MID2: variants seen among roughly 807,000 people sequenced by gnomAD.
MID2 encodes the protein midline 2, also known as probable E3 ubiquitin-protein ligase MID2.
A neutral mutation model predicts 46.1 loss-of-function variants in MID2; 13 were observed. That is an observed-to-expected ratio of 0.28 (90% CI 0.18 to 0.45). The LOEUF (loss-of-function observed/expected upper bound fraction) is 0.45, where lower values mean the gene tolerates loss of function less well. Among genes scored for constraint, MID2 ranks in the 20% least tolerant of loss-of-function variants. MID2 has a pLI of 1.00. For missense variants in MID2, 431 were observed against 575.4 expected (o/e 0.75, Z 2.57); for synonymous variants, 199 against 212.3 (o/e 0.94, Z 0.55).
Position 107,926,175 on chromosome X carries a change from A to T in MID2, c.1679A>T (p.Glu560Val), listed in dbSNP as rs761148298. ...SNDGLQMEKD[E>V]SSLKKSHTPE... ...GATGGATTGCAGATGGAGAAGGATG[A>T]AAGCTCTCTAAAGAAGAGCCACACC... The change falls in exon 9 of 10, where the codon GAA becomes GTA. Residue 560 changes from glutamate to valine, a missense_variant. Physicochemically the swap from Glu to Val is moderately radical, Grantham distance 121. Transcript: ENST00000262843. The T allele has an allele frequency of 3.3e-6, 4 of 1,208,021 alleles. No individual in the cohort carries two copies. The highest frequency in any genetic ancestry group is 4.5e-6 in the Non-Finnish European group (4 of 892,499).
chrX:107,895,287 C>T (rs1338648767), intron 3 of MID2: 1 of 109,726 alleles, frequency 9.1e-6, no homozygotes, highest in African/African-American at 3.3e-5. Flanking sequence ...GTAATTAGGA[C>T]ATTATTGTTT....
intron 3 of MID2, among the ~76,000 whole-genome samples, chrX:107,900,420 TG>T (rs1932786080): frequency 9.1e-6 from 1 of 110,252 alleles, no homozygotes; most frequent in African/African-American, 3.3e-5. Context: ...AGCAAAAGAG[TG>T]CTTCTTATAT....
chrX:107,926,459 A>G (rs1933180046), intron 9 of MID2, 158 bp downstream of exon 9: 1 of 610,317 alleles, frequency 1.6e-6, no homozygotes, highest in African/African-American at 2.3e-5. Context: ...TAATAAAATA[A>G]TGGAAAATAT....
At position 107,924,368 on chromosome X, in the gene MID2, G is replaced by C; in HGVS notation, c.1461G>C (p.Trp487Cys). 1 of 1,210,315 alleles carries C rather than the reference G, an allele frequency of 8.3e-7. No individual in the cohort carries two copies. Residue 487 changes from tryptophan to cysteine, a missense_variant, in exon 8 of 10, where the codon TGG becomes TGC. Coordinates refer to ENST00000262843, the MANE Select transcript of MID2 (RefSeq NM_012216.4). ...PRGLYNSVDSWMIVPNIKQNH... is the reference protein window; with the variant it reads ...PRGLYNSVDSCMIVPNIKQNH... ...GCCTGTATAATTCAGTAGACAGCTG[G>C]ATGATTGTTCCCAACATTAAACAGA...
intron 3 of MID2, among the ~76,000 whole-genome samples, chrX:107,898,550 G>GT: frequency 9.0e-6 from 1 of 111,225 alleles, no homozygotes; most frequent in Non-Finnish European, 1.9e-5. Flanking sequence ...TATATTACTT[G>GT]TTTTGCTGGT....
chrX:107,902,602 C>T (rs60028449), intron 3 of MID2, among the ~76,000 whole-genome samples: 2,081 of 111,638 alleles, frequency 0.019, 52 homozygotes, highest in African/African-American at 0.063. Context: ...CAGCAACAGA[C>T]ATATTTTATT....
chrX:107,847,374 G>C (rs1931512632), intron 2 of MID2, among the ~76,000 whole-genome samples: 1 of 111,397 alleles, frequency 9.0e-6, no homozygotes, highest in African/African-American at 3.3e-5. Context: ...ACAGTGGAGG[G>C]GTCAGGGAAA....
At chrX:107,827,142 A>T (rs1229763206) in intron 1 of MID2, among the ~76,000 whole-genome samples, 1 of 112,292 alleles carries the variant, frequency 8.9e-6, no homozygotes, top group African/African-American at 3.2e-5. Context: ...TTACAGAAAC[A>T]TTACTGGTGA....
Position 107,926,162 on chromosome X carries a change from A to G in MID2, c.1666A>G (p.Met556Val), listed in dbSNP as rs1381981495. 8.3e-7 allele frequency: 1 copy of G among 1,208,035 alleles called. No individual in the cohort carries two copies. Among genetic ancestry groups the G allele is most frequent in the Non-Finnish European group, 1.1e-6 (1 of 892,928 alleles). Residue 556 changes from methionine (M) to valine (V), a missense_variant, in exon 9 of 10, where the codon ATG (methionine) becomes GTG (valine). Physicochemically the swap from Met to Val is conservative, Grantham distance 21. Transcript: ENST00000262843. ...KLKISNDGLQ[M>V]EKDESSLKKS... ...GAAGATCTCCAATGATGGATTGCAG[A>G]TGGAGAAGGATGAAAGCTCTCTAAA...
At chrX:107,841,442 A>T in intron 2 of MID2, 57 bp downstream of exon 2, 1 of 909,602 alleles carries the variant, frequency 1.1e-6, no homozygotes, top group Non-Finnish European at 1.5e-6. Context: ...GCAGTTAGCA[A>T]GTTCTCTAAT....
chrX:107,886,824 G>T (rs1047892188), intron 3 of MID2, among the ~76,000 whole-genome samples: 4 of 111,647 alleles, frequency 3.6e-5, no homozygotes, highest in African/African-American at 1.3e-4. Context: ...AGTTCTCCTT[G>T]AAGAGGTCCT....
At position 107,837,123 on chromosome X, in the gene MID2, C is replaced by T. The variant is rs190481687; in HGVS notation, c.5-3547C>T. ...TACCCAAAGCAATCCTGACCCATAGCGTGCTTTCCCAAGCTTAATTTCATA... is the reference window on the plus strand; with the variant it reads ...TACCCAAAGCAATCCTGACCCATAGTGTGCTTTCCCAAGCTTAATTTCATA... On this transcript the variant is annotated intron_variant, in intron 1 of 9. Transcript: ENST00000262843. 2.1e-4 allele frequency among the ~76,000 whole-genome samples: 23 copies of T among 111,855 alleles called. No individual in the cohort carries two copies. In the South Asian group the frequency reaches 2.3e-3, roughly 11 times the overall value.
rs1276957001 is a variant in MID2, at chrX:107,845,525, A to ACACTCTCTCTCTCT, written c.720+4141_720+4142insACTCTCTCTCTCTC. The stretch of plus-strand genomic sequence containing the variant: ...CACACACACACACACACACACACAC[A>ACACTCTCTCTCTCT]CTCTCTCTCTCTCTCTCTCTCTCTC... On this transcript the variant is annotated intron_variant, in intron 2 of 9. Transcript: ENST00000262843. 1.3e-3 allele frequency among the ~76,000 whole-genome samples: 96 copies of ACACTCTCTCTCTCT among 72,943 alleles called. 2 individuals are homozygous for ACACTCTCTCTCTCT. The highest frequency in any genetic ancestry group is 6.8e-3 in the African/African-American group (90 of 13,209). 63.3% of individuals were successfully genotyped at this position (72,943 alleles called of 115,157 possible). A position where few individuals can be genotyped will look rare whatever the true frequency, so the allele number is the denominator to read the frequency against.
Position 107,905,496 on chromosome X carries a change from T to C in MID2, c.943T>C (p.Leu315=), listed in dbSNP as rs773493861. ...CTTAAAGGTTATGAAACTGAGAAAGTTGGCACAGCAGGTTGCTAATTGCCG... is the reference window on the plus strand; with the variant it reads ...CTTAAAGGTTATGAAACTGAGAAAGCTGGCACAGCAGGTTGCTAATTGCCG... ...KETKVMKLRK[L]AQQVANCRQC... is the part of the protein sequence containing the mutation. The change falls in exon 5 of 10, where the codon TTG becomes CTG. Residue 315 remains leucine (L), a synonymous_variant. Coordinates refer to ENST00000262843, the MANE Select transcript of MID2 (RefSeq NM_012216.4). 2 of 1,207,021 alleles carry C rather than the reference T, an allele frequency of 1.7e-6. No individual in the cohort carries two copies. The highest frequency in any genetic ancestry group is 4.4e-5 in the Admixed American group (2 of 45,670).
rs764810149 is a variant in MID2, at chrX:107,846,709, T to C, written c.720+5324T>C. Among the ~76,000 whole-genome samples, 70 of 112,068 alleles carry C rather than the reference T, an allele frequency of 6.2e-4. 1 individual carries two copies. Among genetic ancestry groups the C allele is most frequent in the African/African-American group, 2.1e-3 (66 of 30,870 alleles). ...CATTTATTATTAACAGGACCCTGTT[T>C]TGGAAGATGTTTTCCATTGTTTCTT... is the stretch of plus-strand genomic sequence containing the variant. On this transcript the variant is annotated intron_variant, in intron 2 of 9. Coordinates refer to ENST00000262843, the MANE Select transcript of MID2 (RefSeq NM_012216.4).
At chrX:107,883,817 T>C (rs749421310) in intron 3 of MID2, among the ~76,000 whole-genome samples, 1 of 112,517 alleles carries the variant, frequency 8.9e-6, no homozygotes, top group Non-Finnish European at 1.9e-5. Context: ...GGAAAGTGGC[T>C]GCTAAGGAGA....
At chrX:107,867,441 A>G (rs1163933982) in intron 3 of MID2, among the ~76,000 whole-genome samples, 1 of 110,131 alleles carries the variant, frequency 9.1e-6, no homozygotes, top group Non-Finnish European at 1.9e-5. Flanking sequence ...AGTTACAGGC[A>G]TGAGCCACCG....
chrX:107,827,340 C>T (rs192377803), intron 1 of MID2, among the ~76,000 whole-genome samples: 34 of 110,857 alleles, frequency 3.1e-4, no homozygotes, highest in African/African-American at 1.1e-3. Flanking sequence ...TACCCAAATC[C>T]CCCAGCAGAG....
chrX:107,841,522 C>T, intron 2 of MID2, 137 bp downstream of exon 2: 1 of 452,587 alleles, frequency 2.2e-6, no homozygotes, highest in Non-Finnish European at 3.7e-6. Context: ...ATAACCTGCT[C>T]TCCTGCAAGC....
Sources: gnomAD v4.1 joint callset for allele counts (sites outside exome capture counted in the v4.1 genomes callset) on GRCh38, gnomAD v4.1.1 for gene constraint, MANE v1.5 for transcripts, NCBI Gene and HGNC (gene_info 2026-07-23, HGNC 2026-07-21) for gene names.